Variants in UGGT2 observed in about 807,000 individuals in gnomAD.
The protein encoded by UGGT2 is UDP-glucose glycoprotein glucosyltransferase 2, also known as UDP-glucose:glycoprotein glucosyltransferase 2.
UGGT2 carries 180 observed loss-of-function variants against 192.1 expected under a neutral mutation model. That is an observed-to-expected ratio of 0.94 (90% CI 0.83 to 1.06). The LOEUF is 1.06. UGGT2 is among the 50% of genes least tolerant of loss of function. The probability of loss-of-function intolerance (pLI) is 0.00; values close to 1 mark genes in which losing one functional copy is unlikely to be tolerated. For missense variants in UGGT2, 1,849 were observed against 1,795.7 expected (o/e 1.03, Z -0.54); for synonymous variants, 580 against 591.0 (o/e 0.98, Z 0.27).
chr13:95,884,065 CAAAAAAAAA>C (rs35937679), intron 27 of UGGT2, among the ~76,000 whole-genome samples: 18 of 73,960 alleles, frequency 2.4e-4, no homozygotes, highest in African/African-American at 7.8e-4. Flanking sequence ...GCTGTGAGGC[CAAAAAAAAA>C]AAAAAAAAAA....
intron 17 of UGGT2, among the ~76,000 whole-genome samples, chr13:95,933,767 C>T (rs904918167): frequency 2.6e-5 from 4 of 152,024 alleles, no homozygotes; most frequent in Admixed American, 6.6e-5. Flanking sequence ...CTGCAAGCTC[C>T]GCCTCCCGGG....
At chr13:95,967,240 C>T (rs890114135) in intron 12 of UGGT2, among the ~76,000 whole-genome samples, 5 of 151,756 alleles carry the variant, frequency 3.3e-5, no homozygotes, top group African/African-American at 1.2e-4. Flanking sequence ...GCAACCTCTG[C>T]CTCCAAGGTC....
intron 20 of UGGT2, among the ~76,000 whole-genome samples, chr13:95,921,556 T>G (rs926883850): frequency 6.6e-6 from 1 of 151,914 alleles, no homozygotes; most frequent in Admixed American, 6.6e-5. Flanking sequence ...ATTAACTGGC[T>G]AGTAAACACA....
chr13:95,899,425 C>T (rs2048039520), intron 22 of UGGT2, among the ~76,000 whole-genome samples: 1 of 151,946 alleles, frequency 6.6e-6, no homozygotes, highest in African/African-American at 2.4e-5. Flanking sequence ...GTTTGGTTCA[C>T]AGTAGGTGTA....
intron 10 of UGGT2, among the ~76,000 whole-genome samples, chr13:95,978,921 A>G (rs779027221): frequency 6.6e-6 from 1 of 152,246 alleles, no homozygotes; most frequent in Non-Finnish European, 1.5e-5. Flanking sequence ...GTAGTTAGAA[A>G]TAATTAGAAG....
At chr13:95,884,864 ACTAT>A (rs748953471) in intron 26 of UGGT2, among the ~76,000 whole-genome samples, 184 bp from the exon 27 acceptor site, 7 of 152,206 alleles carry the variant, frequency 4.6e-5, no homozygotes, top group South Asian at 2.1e-4. Context: ...TGTTGACACT[ACTAT>A]CTAAGTCTAT....
intron 17 of UGGT2, among the ~76,000 whole-genome samples, chr13:95,936,279 A>T (rs992702456): frequency 6.6e-6 from 1 of 152,204 alleles, no homozygotes; most frequent in African/African-American, 2.4e-5. Flanking sequence ...TAGCCTATGC[A>T]TTTCTATCAG....
intron 15 of UGGT2, among the ~76,000 whole-genome samples, chr13:95,940,298 T>C (rs1236801594): frequency 6.6e-6 from 1 of 151,930 alleles, no homozygotes; most frequent in Admixed American, 6.6e-5. Flanking sequence ...AAAAATATCA[T>C]AACAAATTTA....
intron 5 of UGGT2, among the ~76,000 whole-genome samples, 176 bp downstream of exon 5, chr13:96,013,131 C>G (rs1326572858): frequency 6.6e-6 from 1 of 151,728 alleles, no homozygotes. Flanking sequence ...GACATCATAC[C>G]CCCAGAAGAG....
At chr13:95,844,960 C>G (rs1190048820) in intron 36 of UGGT2, among the ~76,000 whole-genome samples, 2 of 152,054 alleles carry the variant, frequency 1.3e-5, no homozygotes, top group Admixed American at 1.3e-4. Context: ...TGAGGAAGTT[C>G]CCTTCCGGTT....
rs537617915 is a variant in UGGT2, at chr13:96,015,301, A to T, written c.486-1820T>A. Among the ~76,000 whole-genome samples the T allele has an allele frequency of 3.3e-3, 496 of 151,690 alleles. 4 individuals carry two copies. The highest frequency in any genetic ancestry group is 0.011 in the African/African-American group (473 of 41,390). ...TCAAAAAAAAAAAAAAAGAAAGAAAACTAGAAAGGCTGCCAATAAAACTAT... is the reference window on the plus strand; with the variant it reads ...TCAAAAAAAAAAAAAAAGAAAGAAATCTAGAAAGGCTGCCAATAAAACTAT... On this transcript the variant is annotated intron_variant, in intron 4 of 38. Transcript: ENST00000376747.
chr13:95,806,412 T>C lies in UGGT2; in HGVS notation c.4529-4600A>G, dbSNP rs1049285779. Among the ~76,000 whole-genome samples the C allele has an allele frequency of 1.4e-4, 22 of 152,266 alleles. 1 individual carries two copies. In the Middle Eastern group the frequency reaches 0.01, roughly 71 times the overall value. ...GGAGATCCAGTTGGTGTCCAGTGAA[T>C]TGGAGAATTGGTGTTAGAAAAACAT... On this transcript the variant is annotated intron_variant, in intron 38 of 38. Transcript: ENST00000376747.
In UGGT2 at chr13:95,950,798, G is replaced by C. The variant is rs1475921754; in HGVS notation, c.1336-1344C>G. 2.0e-5 allele frequency among the ~76,000 whole-genome samples: 3 copies of C among 151,882 alleles called. No homozygotes were observed. In the East Asian group the frequency reaches 5.8e-4, roughly 29 times the overall value. On this transcript the variant is annotated intron_variant, in intron 12 of 38. Coordinates refer to ENST00000376747, the MANE Select transcript of UGGT2 (RefSeq NM_020121.4). ...AATTAAGAACTCTAAGAACTTATTG[G>C]GTGGGTTTAATTGCAGACTGTACGC...
rs149333947 is a variant in UGGT2 at position 95,939,440 on chromosome 13, A to G, written c.1812+517T>C. Among the ~76,000 whole-genome samples, 469 of 101,652 alleles carry G rather than the reference A, an allele frequency of 4.6e-3. 3 individuals are homozygous for G. The highest frequency in any genetic ancestry group is 0.016 in the African/African-American group (447 of 27,094). The allele number at this position is 101,652 out of a possible 152,430, so 66.7% of individuals were successfully genotyped here. On this transcript the variant is annotated intron_variant, in intron 16 of 38. Coordinates refer to ENST00000376747, the MANE Select transcript of UGGT2 (RefSeq NM_020121.4). ...TTAATTTTTGGAATTTCTTTGTACT[A>G]TTTCTCTTTCTCTGAAAATTTCTTT...
chr13:95,985,349 G>A (rs960909650), intron 9 of UGGT2: 8 of 1,121,218 alleles, frequency 7.1e-6, no homozygotes, highest in Non-Finnish European at 8.3e-6. Flanking sequence ...TGTAAATAAG[G>A]AAACAAACTC....
intron 38 of UGGT2, among the ~76,000 whole-genome samples, chr13:95,813,719 A>G (rs1884685027): frequency 6.6e-6 from 1 of 152,234 alleles, no homozygotes; most frequent in East Asian, 1.9e-4. Flanking sequence ...ACAATGAGAA[A>G]AAGTCCTCAA....
At chr13:96,000,201 A>G (rs1018902642) in intron 5 of UGGT2, among the ~76,000 whole-genome samples, 19 of 152,324 alleles carry the variant, frequency 1.2e-4, no homozygotes, top group Admixed American at 7.2e-4. Flanking sequence ...GTCTTTGCTT[A>G]ATTCAGGTTT....
chr13:95,855,405 T>TC (rs749151236), intron 34 of UGGT2, among the ~76,000 whole-genome samples: 15 of 152,078 alleles, frequency 9.9e-5, no homozygotes, highest in African/African-American at 1.7e-4. Context: ...AATTTTTTTT[T>TC]CCCACTAATG....
chr13:95,916,066 T>A (rs551142441), intron 20 of UGGT2, among the ~76,000 whole-genome samples: 18 of 152,298 alleles, frequency 1.2e-4, no homozygotes, highest in African/African-American at 3.8e-4. Context: ...GACTGCCTCT[T>A]TAAGCAGGTC....
Sources: allele counts gnomAD v4.1 joint callset (sites outside exome capture counted in the v4.1 genomes callset), GRCh38; gene constraint gnomAD v4.1.1; transcripts MANE v1.5; gene names NCBI Gene and HGNC (gene_info 2026-07-23, HGNC 2026-07-21).